The following SGCD variants were observed in gnomAD, a reference collection of about 807,000 sequenced individuals.
SGCD encodes sarcoglycan delta, also known as delta-sarcoglycan.
A neutral mutation model predicts 36.6 loss-of-function variants in SGCD; 18 were observed. The observed-to-expected ratio is 0.49, with a 90% CI of 0.34 to 0.73. SGCD has a LOEUF of 0.73. Ranked by LOEUF, SGCD falls within the 30% of genes least tolerant of loss-of-function variation. The pLI, the probability that SGCD is intolerant of heterozygous loss-of-function variation, is 0.01. For missense variants in SGCD, 387 were observed against 346.7 expected (o/e 1.12, Z -0.92); for synonymous variants, 133 against 130.6 (o/e 1.02, Z -0.12).
chr5:156,071,449 G>C (rs1760559248), intron 1 of SGCD, among the ~76,000 whole-genome samples: 1 of 152,204 alleles, frequency 6.6e-6, no homozygotes, highest in African/African-American at 2.4e-5. Flanking sequence ...TTTTGAGTGA[G>C]TTTCTTAATC....
intron 1 of SGCD, among the ~76,000 whole-genome samples, chr5:155,871,494 A>G (rs565663114): frequency 6.6e-6 from 1 of 152,330 alleles, no homozygotes; most frequent in Admixed American, 6.5e-5. Context: ...AAGCCTGGAT[A>G]GGGATTTCTG....
chr5:156,618,631 A>C (rs969102835), intron 6 of SGCD, among the ~76,000 whole-genome samples: 1 of 149,410 alleles, frequency 6.7e-6, no homozygotes, highest in East Asian at 2.0e-4. Context: ...CCGAAAACCT[A>C]GGTGATTTCA....
chr5:155,888,747 C>T (rs1436823319), intron 1 of SGCD, among the ~76,000 whole-genome samples: 1 of 152,138 alleles, frequency 6.6e-6, no homozygotes, highest in Non-Finnish European at 1.5e-5. Context: ...TGAATGAGCT[C>T]CTTAGAGGAG....
At chr5:155,901,635 G>GAA (rs149100354) in intron 1 of SGCD, among the ~76,000 whole-genome samples, 3 of 151,656 alleles carry the variant, frequency 2.0e-5, no homozygotes, top group East Asian at 1.9e-4. Flanking sequence ...CACGTGGTAA[G>GAA]AAAAAAAAGT....
chr5:156,633,784 A>G (rs1017740192), intron 6 of SGCD, among the ~76,000 whole-genome samples: 1 of 152,196 alleles, frequency 6.6e-6, no homozygotes, highest in Non-Finnish European at 1.5e-5. Flanking sequence ...CAAAGCGTAC[A>G]TGGTGTCAAG....
At chr5:155,902,440 A>C (rs1756411659) in intron 1 of SGCD, among the ~76,000 whole-genome samples, 1 of 152,234 alleles carries the variant, frequency 6.6e-6, no homozygotes, top group Non-Finnish European at 1.5e-5. Context: ...AATTATGGTC[A>C]TCAACTACTT....
intron 3 of SGCD, among the ~76,000 whole-genome samples, chr5:156,383,848 T>A (rs1413834935): frequency 1.3e-5 from 2 of 152,134 alleles, no homozygotes; most frequent in Non-Finnish European, 2.9e-5. Context: ...CCAGATGTAG[T>A]AATTTGCTTG....
chr5:156,479,740 G>T (rs192508910), intron 3 of SGCD, among the ~76,000 whole-genome samples: 2 of 152,332 alleles, frequency 1.3e-5, no homozygotes, highest in East Asian at 3.9e-4. Context: ...GTCTTGGAGT[G>T]ATTTCTTTCC....
At chr5:155,887,509 G>T (rs961068120) in intron 1 of SGCD, among the ~76,000 whole-genome samples, 1 of 152,088 alleles carries the variant, frequency 6.6e-6, no homozygotes, top group African/African-American at 2.4e-5. Context: ...TGGAGGTGAC[G>T]CAGGCTCTGG....
chr5:156,191,000 A>G (rs1763878306), intron 3 of SGCD, among the ~76,000 whole-genome samples: 1 of 152,162 alleles, frequency 6.6e-6, no homozygotes, highest in South Asian at 2.1e-4. Context: ...TTCATAATCT[A>G]TGAATTAGGC....
the SGCD span, among the ~76,000 whole-genome samples, chr5:155,843,404 T>TCA: frequency 0.066 from 9,885 of 150,216 alleles, 406 homozygotes; most frequent in African/African-American, 0.12. Flanking sequence ...TCACTTATGC[T>TCA]CACACACACA....
intron 3 of SGCD, among the ~76,000 whole-genome samples, chr5:156,350,680 A>T (rs1055760257): frequency 1.3e-5 from 2 of 152,076 alleles, no homozygotes; most frequent in African/African-American, 4.8e-5. Flanking sequence ...TTTTCCCCAT[A>T]CATTGGAGAG....
intron 3 of SGCD, among the ~76,000 whole-genome samples, chr5:156,486,545 C>T (rs1182722043): frequency 6.6e-6 from 1 of 152,124 alleles, no homozygotes; most frequent in Non-Finnish European, 1.5e-5. Flanking sequence ...CTGTACTATC[C>T]ATGAGCTAGA....
intron 6 of SGCD, among the ~76,000 whole-genome samples, chr5:156,620,403 G>A (rs538250963): frequency 6.6e-6 from 1 of 152,232 alleles, no homozygotes; most frequent in Non-Finnish European, 1.5e-5. Flanking sequence ...TTATATTCTT[G>A]TACGGGTATC....
At chr5:156,600,635 T>C (rs1023747514) in intron 6 of SGCD, among the ~76,000 whole-genome samples, 1 of 152,210 alleles carries the variant, frequency 6.6e-6, no homozygotes, top group African/African-American at 2.4e-5. Flanking sequence ...GCAGTAAACG[T>C]GGAACTTAAG....
rs192116298 is a variant in SGCD at position 156,704,163 on chromosome 5, T to A, written c.576-53418T>A. On this transcript the variant is annotated intron_variant, in intron 7 of 8. Transcript: ENST00000337851. ...TGATGTCATTGAAATTCCACTTTACTCTTTCCTTTCCCAAGTTCCGTTTTC... is the reference window on the plus strand; with the variant it reads ...TGATGTCATTGAAATTCCACTTTACACTTTCCTTTCCCAAGTTCCGTTTTC... 1.3e-4 allele frequency: 20 copies of A among 152,310 alleles called. No homozygotes were observed. In the East Asian group the frequency reaches 3.9e-3, roughly 29 times the overall value. The allele number at this position is 152,310 out of a possible 1,614,324, so 9.4% of individuals were successfully genotyped here. A position where few individuals can be genotyped will look rare whatever the true frequency, so the allele number is the denominator to read the frequency against.
intron 3 of SGCD, among the ~76,000 whole-genome samples, chr5:156,222,824 T>A (rs1320030179): frequency 6.6e-6 from 1 of 152,160 alleles, no homozygotes; most frequent in Non-Finnish European, 1.5e-5. Flanking sequence ...TAGAAACTAC[T>A]GGGCCTGTCT....
At chr5:156,385,575 A>G (rs1276710579) in intron 3 of SGCD, among the ~76,000 whole-genome samples, 1 of 152,212 alleles carries the variant, frequency 6.6e-6, no homozygotes, top group East Asian at 1.9e-4. Flanking sequence ...TGATACAGAA[A>G]ACATGTTGAG....
At chr5:156,004,735 T>C (rs953472265) in intron 1 of SGCD, among the ~76,000 whole-genome samples, 3 of 152,244 alleles carry the variant, frequency 2.0e-5, no homozygotes, top group Non-Finnish European at 4.4e-5. Flanking sequence ...ATAAACTATT[T>C]GTATGTAGTA....
Sources: allele counts gnomAD v4.1 joint callset (sites outside exome capture counted in the v4.1 genomes callset), GRCh38; gene constraint gnomAD v4.1.1; transcripts MANE v1.5; gene names NCBI Gene and HGNC (gene_info 2026-07-23, HGNC 2026-07-21).